SPPL2B: variants seen among roughly 807,000 people sequenced by gnomAD.
The protein encoded by SPPL2B is signal peptide peptidase like 2B.
A neutral mutation model predicts 59.7 loss-of-function variants in SPPL2B; 39 were observed. The observed-to-expected ratio is 0.65, with a 90% CI of 0.51 to 0.85. The LOEUF (loss-of-function observed/expected upper bound fraction) is 0.85, where lower values mean the gene tolerates loss of function less well. Ranked by LOEUF, SPPL2B falls within the 40% of genes least tolerant of loss-of-function variation. The pLI is 0.00. For missense variants in SPPL2B, 865 were observed against 849.0 expected, an observed-to-expected ratio of 1.02 and a Z score of -0.23; for synonymous variants, 419 against 370.8, an observed-to-expected ratio of 1.13 and a Z score of -1.49.
chr19:2,349,623 C>T (rs1315626636), intron 13 of SPPL2B, among the ~76,000 whole-genome samples: 1 of 42,598 alleles, frequency 2.3e-5, no homozygotes, highest in Admixed American at 2.2e-4. Flanking sequence ...TCCACACACA[C>T]GCGCTCTCAT....
chr19:2,336,817 C>T (rs1319786670), intron 2 of SPPL2B, among the ~76,000 whole-genome samples: 1 of 141,384 alleles, frequency 7.1e-6, no homozygotes, highest in Admixed American at 7.0e-5. Context: ...GCGCGCTGGC[C>T]TGGCTGCGGC....
intron 1 of SPPL2B, among the ~76,000 whole-genome samples, chr19:2,333,632 C>T (rs762474356): frequency 7.9e-5 from 12 of 152,202 alleles, no homozygotes; most frequent in Non-Finnish European, 1.6e-4. Flanking sequence ...ATTTTGAGAG[C>T]GTGGCAAGGG....
chr19:2,343,391 C>T, intron 9 of SPPL2B, 99 bp downstream of exon 9: 1 of 986,950 alleles, frequency 1.0e-6, no homozygotes, highest in Non-Finnish European at 1.6e-6. Flanking sequence ...CAGGTCTGTG[C>T]TCCTGCTCAC....
intron 2 of SPPL2B, among the ~76,000 whole-genome samples, chr19:2,335,170 T>G (rs73520573): frequency 0.095 from 12,191 of 128,008 alleles, 1,018 homozygotes; most frequent in African/African-American, 0.18. Flanking sequence ...TTAGTCCTCA[T>G]GCCCCGCCTC....
chr19:2,334,515 C>G, intron 1 of SPPL2B, 87 bp from the exon 2 acceptor site: 1 of 1,496,450 alleles, frequency 6.7e-7, no homozygotes, highest in African/African-American at 1.4e-5. Flanking sequence ...CTGGAGGCGT[C>G]CTCCCCTCCT....
At chr19:2,348,042 C>A (rs867961663) in intron 13 of SPPL2B, among the ~76,000 whole-genome samples, 1 of 92,800 alleles carries the variant, frequency 1.1e-5, no homozygotes. Context: ...CACAGACTCA[C>A]GCGCTCTCAT....
At chr19:2,338,900 C>G in intron 4 of SPPL2B, 59 bp downstream of exon 4, 1 of 1,564,208 alleles carries the variant, frequency 6.4e-7, no homozygotes, top group African/African-American at 1.4e-5. Context: ...GGGCTTCGGG[C>G]TGGCTGCCGG....
intron 8 of SPPL2B, 92 bp from the exon 9 acceptor site, chr19:2,343,119 T>C (rs1599229370): frequency 9.8e-7 from 1 of 1,019,536 alleles, no homozygotes; most frequent in African/African-American, 1.6e-5. Flanking sequence ...GCGTGCTGGC[T>C]GAGAGCAAGG....
intron 2 of SPPL2B, among the ~76,000 whole-genome samples, chr19:2,336,487 G>A (rs1013765368): frequency 1.3e-5 from 2 of 152,048 alleles, no homozygotes; most frequent in African/African-American, 4.8e-5. Context: ...GTGTGTGTGA[G>A]TGCATGTGTA....
In SPPL2B at chr19:2,332,952, GGC is replaced by G. The variant is rs1386472023; in HGVS notation, c.67-1649_67-1648del. 2.7e-5 allele frequency among the ~76,000 whole-genome samples: 4 copies of G among 150,408 alleles called. No homozygotes were observed. Among genetic ancestry groups the G allele is most frequent in the Non-Finnish European group, 3.0e-5 (2 of 67,414 alleles). ...ATGGCAGGTGCGGGCGGCTGGACTG[GGC>G]TCTGCTGGGAGGGGGAGCAGGAGGA... On this transcript the variant is annotated intron_variant, in intron 1 of 14. Coordinates refer to ENST00000613503, the MANE Select transcript of SPPL2B (RefSeq NM_152988.3). The surrounding 1 kb of genome is among the most constrained non-coding windows in gnomAD (Gnocchi z 4.6).
Position 2,353,058 on chromosome 19 carries a change from C to A in SPPL2B, c.1628C>A (p.Ser543Tyr). 6.2e-7 allele frequency: 1 copy of A among 1,612,078 alleles called. No individual in the cohort carries two copies. The highest frequency in any genetic ancestry group is 8.5e-7 in the Non-Finnish European group (1 of 1,179,618). The change falls in exon 15 of 15, where the codon TCC becomes TAC. Residue 543 changes from serine to tyrosine, a missense_variant. Ser to Tyr is a moderately radical substitution (Grantham distance 144). Coordinates refer to ENST00000613503, the MANE Select transcript of SPPL2B (RefSeq NM_152988.3). ...CCGCCCAGCGAAGAACCAGCCACAT[C>A]CCCCTGGCCTGCTGAGCAGTCCCCA... ...PQPPSEEPAT[S>Y]PWPAEQSPKS...
intron 13 of SPPL2B, among the ~76,000 whole-genome samples, chr19:2,347,207 C>CCT (rs1433771867): frequency 2.0e-5 from 3 of 148,102 alleles, no homozygotes; most frequent in African/African-American, 5.1e-5. Flanking sequence ...ATTCCGTTCT[C>CCT]TCCCTCCACA....
chr19:2,341,176 C>T (rs1282066403), intron 8 of SPPL2B, 162 bp downstream of exon 8: 1 of 704,012 alleles, frequency 1.4e-6, no homozygotes, highest in East Asian at 2.7e-5. Context: ...TCTGACAGGG[C>T]TGCGAGGGCG....
chr19:2,334,778 C>T, intron 2 of SPPL2B, 57 bp downstream of exon 2: 1 of 1,464,118 alleles, frequency 6.8e-7, no homozygotes, highest in Non-Finnish European at 9.1e-7. Flanking sequence ...CCCCGGGGCT[C>T]TAGAGACACA....
chr19:2,336,809 G>A (rs1001021884), intron 2 of SPPL2B, among the ~76,000 whole-genome samples: 18 of 123,886 alleles, frequency 1.5e-4, no homozygotes, highest in Admixed American at 2.6e-4. Flanking sequence ...GTGTGTGTGC[G>A]CGCTGGCCTG....
At chr19:2,336,637 G>C (rs1055095986) in intron 2 of SPPL2B, among the ~76,000 whole-genome samples, 19 of 151,726 alleles carry the variant, frequency 1.3e-4, no homozygotes, top group African/African-American at 4.6e-4. Flanking sequence ...TGGCCTGGCT[G>C]TGTGTGCGTG....
intron 5 of SPPL2B, 32 bp downstream of exon 5, chr19:2,339,240 G>A (rs770635600): frequency 3.8e-6 from 6 of 1,588,190 alleles, no homozygotes; most frequent in Non-Finnish European, 4.3e-6. Context: ...TGCTGTGACG[G>A]GGTCGGGCGG....
intron 2 of SPPL2B, among the ~76,000 whole-genome samples, chr19:2,336,898 G>GGTGTGT (rs368029610): frequency 8.6e-4 from 107 of 124,344 alleles, no homozygotes; most frequent in Admixed American, 1.3e-3. Flanking sequence ...TCTGGCTGTG[G>GGTGTGT]GTGTGTGTGT....
At position 2,328,752 on chromosome 19, in the gene SPPL2B, G is replaced by A; in HGVS notation, c.43G>A (p.Ala15Thr). The change falls in exon 1 of 15, where the codon GCC becomes ACC. Residue 15 changes from alanine to threonine, a missense_variant. Ala to Thr is a moderately conservative substitution (Grantham distance 58). Transcript: ENST00000613503. Reference protein sequence around the residue: ...VAAALARLLAAFLLLAAQVAC... With the variant: ...VAAALARLLATFLLLAAQVAC... Reference sequence around the variant, plus strand: ...GGCTGCGCTGGCGCGGCTTTTGGCGGCCTTTCTGCTCCTCGCGGCCCAGGT... The same window carrying A: ...GGCTGCGCTGGCGCGGCTTTTGGCGACCTTTCTGCTCCTCGCGGCCCAGGT... The A allele has an allele frequency of 6.8e-7, 1 of 1,463,018 alleles. No individual in the cohort carries two copies. Among genetic ancestry groups the A allele is most frequent in the Non-Finnish European group, 9.0e-7 (1 of 1,115,756 alleles). 90.6% of individuals were successfully genotyped at this position (1,463,018 alleles called of 1,614,324 possible). A position where few individuals can be genotyped will look rare whatever the true frequency, so the allele number is the denominator to read the frequency against.
Sources: gnomAD v4.1 joint callset for allele counts (sites outside exome capture counted in the v4.1 genomes callset) on GRCh38, gnomAD v4.1.1 for gene constraint, Gnocchi (gnomAD v3.1) non-coding constraint, MANE v1.5 for transcripts, NCBI Gene and HGNC (gene_info 2026-07-23, HGNC 2026-07-21) for gene names.